UBE2L3: variants seen among roughly 807,000 people sequenced by gnomAD.
UBE2L3 encodes the protein ubiquitin conjugating enzyme E2 L3, also known as ubiquitin-conjugating enzyme E2 L3.
Under a neutral mutation model 17.8 loss-of-function variants are expected in UBE2L3, and 1 was observed. The observed-to-expected ratio is 0.06, with a 90% CI of 0.02 to 0.27. The LOEUF is 0.27. UBE2L3 is among the 10% of genes least tolerant of loss of function. The pLI is 1.00. For missense variants in UBE2L3, 40 were observed against 192.6 expected, an observed-to-expected ratio of 0.21 and a Z score of 4.69; for synonymous variants, 44 against 68.5, an observed-to-expected ratio of 0.64 and a Z score of 1.76.
At chr22:21,573,016 C>T (rs1041653499) in intron 1 of UBE2L3, among the ~76,000 whole-genome samples, 14 of 152,172 alleles carry the variant, frequency 9.2e-5, no homozygotes. Context: ...CTGCCACTCC[C>T]ACTGCCTCAG....
In UBE2L3 at chr22:21,623,365, G is replaced by T. The variant is rs977033755; in HGVS notation, c.*1696G>T. The T allele has an allele frequency of 6.5e-6, 1 of 152,710 alleles. No individual in the cohort carries two copies. Among genetic ancestry groups the T allele is most frequent in the Non-Finnish European group, 1.5e-5 (1 of 68,032 alleles). The allele number at this position is 152,710 out of a possible 1,614,324, so 9.5% of individuals were successfully genotyped here. A position where few individuals can be genotyped will look rare whatever the true frequency, so the allele number is the denominator to read the frequency against. Reference sequence around the variant, plus strand: ...GGTTTCTGGAGACTCCCTTGTGCCCGGGATGGCAAGGGCACCGGGCTGGCG... The same window carrying T: ...GGTTTCTGGAGACTCCCTTGTGCCCTGGATGGCAAGGGCACCGGGCTGGCG... On this transcript the variant is annotated 3_prime_UTR_variant, in exon 4 of 4. Coordinates refer to ENST00000342192, the MANE Select transcript of UBE2L3 (RefSeq NM_003347.4).
chr22:21,616,937 A>G (rs1601444809), intron 3 of UBE2L3, among the ~76,000 whole-genome samples: 1 of 151,866 alleles, frequency 6.6e-6, no homozygotes. Flanking sequence ...AGGGCCAGGC[A>G]CGGTGGCTCA....
chr22:21,563,588 T>G (rs990931982), upstream of UBE2L3, among the ~76,000 whole-genome samples: 1 of 148,636 alleles, frequency 6.7e-6, no homozygotes, highest in African/African-American at 2.5e-5. Context: ...ACTTTTTTTT[T>G]TTTTTTGAGA....
intron 2 of UBE2L3, among the ~76,000 whole-genome samples, chr22:21,598,259 T>C (rs1163756057): frequency 6.9e-6 from 1 of 144,424 alleles, no homozygotes; most frequent in African/African-American, 2.5e-5. Context: ...TCTTGTGTTA[T>C]TACTTTCTTT....
At chr22:21,567,982 G>A in intron 1 of UBE2L3, 1 of 1,365,896 alleles carries the variant, frequency 7.3e-7, no homozygotes, top group Non-Finnish European at 9.4e-7. Context: ...GCTGGGAGCC[G>A]CTGTCGGCCC....
chr22:21,567,414 C>A, upstream of UBE2L3: 1 of 300,832 alleles, frequency 3.3e-6, no homozygotes, highest in Non-Finnish European at 6.1e-6. Flanking sequence ...CCACCCGCCT[C>A]GGTCTCCCAA....
Position 21,576,305 on chromosome 22 carries a change from GT to G in UBE2L3, c.27+8544del, listed in dbSNP as rs113483961. On this transcript the variant is annotated intron_variant, in intron 1 of 3. Coordinates refer to ENST00000342192, the MANE Select transcript of UBE2L3 (RefSeq NM_003347.4). Reference sequence around the variant, plus strand: ...AATTTTTGCATTTTTGTTTTTTTTTGTTTTTTTTTTGAGATGGAATCTTGCT... The same window carrying G: ...AATTTTTGCATTTTTGTTTTTTTTTGTTTTTTTTTGAGATGGAATCTTGCT... Among the ~76,000 whole-genome samples, 333 of 141,694 alleles carry G rather than the reference GT, an allele frequency of 2.4e-3. 3 individuals carry two copies. Among genetic ancestry groups the G allele is most frequent in the Admixed American group, 6.6e-3 (93 of 14,094 alleles). 93.0% of individuals were successfully genotyped at this position (141,694 alleles called of 152,430 possible).
Position 21,623,757 on chromosome 22 carries a change from T to A in UBE2L3, c.*2088T>A, listed in dbSNP as rs954447762. ...TCTCCTTTGGGCCTGGGCGGCTTGC[T>A]CCTGCCAGCCATGCCTTCAGGGTAG... On this transcript the variant is annotated 3_prime_UTR_variant, in exon 4 of 4. Transcript: ENST00000342192. 2 of 152,792 alleles carry A rather than the reference T, an allele frequency of 1.3e-5. No individual in the cohort carries two copies. The highest frequency in any genetic ancestry group is 6.5e-5 in the Admixed American group (1 of 15,276). The allele number at this position is 152,792 out of a possible 1,614,324, so 9.5% of individuals were successfully genotyped here.
chr22:21,567,613 G>A (rs1322319340), upstream of UBE2L3: 2 of 1,524,036 alleles, frequency 1.3e-6, no homozygotes, highest in African/African-American at 1.4e-5. Context: ...ACAGTGGGAA[G>A]CACACAGTAG....
At chr22:21,588,069 A>G (rs953486798) in intron 1 of UBE2L3, among the ~76,000 whole-genome samples, 2 of 152,164 alleles carry the variant, frequency 1.3e-5, no homozygotes, top group African/African-American at 2.4e-5. Context: ...TCTCTTTGTC[A>G]GCACTGCACC....
At chr22:21,593,332 C>G (rs1237144190) in intron 2 of UBE2L3, among the ~76,000 whole-genome samples, 1 of 152,196 alleles carries the variant, frequency 6.6e-6, no homozygotes, top group Non-Finnish European at 1.5e-5. Flanking sequence ...TGCTTTCTCT[C>G]TTGGTTTTGC....
upstream of UBE2L3, among the ~76,000 whole-genome samples, chr22:21,563,272 C>G (rs982093001): frequency 4.0e-4 from 55 of 137,698 alleles, no homozygotes; most frequent in Admixed American, 6.0e-4. Context: ...TTATTACTGG[C>G]CGGGTGTGGT....
intron 1 of UBE2L3, 36 bp downstream of exon 1, chr22:21,567,807 G>A (rs1318387582): frequency 5.7e-6 from 9 of 1,569,386 alleles, no homozygotes; most frequent in Non-Finnish European, 6.9e-6. Context: ...CGGGCGTGGG[G>A]CGGCGTCCTA....
chr22:21,593,806 G>T (rs1421852350), intron 2 of UBE2L3, among the ~76,000 whole-genome samples: 1 of 152,014 alleles, frequency 6.6e-6, no homozygotes, highest in East Asian at 1.9e-4. Flanking sequence ...CAGCATTCCA[G>T]CCCCCAGTCC....
chr22:21,577,393 C>T (rs556718651), intron 1 of UBE2L3, among the ~76,000 whole-genome samples: 1 of 152,342 alleles, frequency 6.6e-6, no homozygotes, highest in East Asian at 1.9e-4. Context: ...GCGTGAGCTA[C>T]CGCACCCAGC....
chr22:21,568,063 C>G, intron 1 of UBE2L3: 2 of 1,262,062 alleles, frequency 1.6e-6, no homozygotes, highest in Non-Finnish European at 2.0e-6. Context: ...TCGCGGAGGC[C>G]GCGGTCCGAT....
intron 3 of UBE2L3, among the ~76,000 whole-genome samples, chr22:21,612,569 C>T (rs377589157): frequency 4.7e-5 from 7 of 148,412 alleles, no homozygotes. Flanking sequence ...TCGTGATCCG[C>T]CCGCCTCGGC....
intron 1 of UBE2L3, among the ~76,000 whole-genome samples, chr22:21,578,551 G>C (rs574487603): frequency 3.3e-5 from 5 of 152,160 alleles, no homozygotes; most frequent in Middle Eastern, 3.4e-3. Context: ...AGTCTGGTAG[G>C]GGGGTGCTGG....
chr22:21,599,640 T>C (rs1242274999), intron 2 of UBE2L3, among the ~76,000 whole-genome samples: 2 of 152,148 alleles, frequency 1.3e-5, no homozygotes, highest in South Asian at 2.1e-4. Context: ...TGAAAAAATA[T>C]AGGCAGTGTG....
Sources: gnomAD v4.1 joint callset for allele counts (sites outside exome capture counted in the v4.1 genomes callset) on GRCh38, gnomAD v4.1.1 for gene constraint, MANE v1.5 for transcripts, NCBI Gene and HGNC (gene_info 2026-07-23, HGNC 2026-07-21) for gene names.